Variants in ITGA1 observed in about 807,000 individuals in gnomAD.
ITGA1 encodes the protein integrin alpha-1.
Under a neutral mutation model 145.9 loss-of-function variants are expected in ITGA1, and 85 were observed. That is an observed-to-expected ratio of 0.58 (90% CI 0.49 to 0.70). The LOEUF (loss-of-function observed/expected upper bound fraction) is 0.70, where lower values mean the gene tolerates loss of function less well. ITGA1 is among the 30% of genes least tolerant of loss of function. ITGA1 has a pLI of 0.00. For synonymous variants in ITGA1, 520 were observed against 495.3 expected (o/e 1.05, Z -0.66); for missense variants, 1,351 against 1,418.7 (o/e 0.95, Z 0.77).
chr5:52,788,561 G>A (rs1049703420), intron 1 of ITGA1, 147 bp downstream of exon 1: 24 of 599,438 alleles, frequency 4.0e-5, no homozygotes, highest in Non-Finnish European at 6.1e-5. Flanking sequence ...CCAGGCTACG[G>A]GGCAGGCAGG....
At position 52,953,729 on chromosome 5, in the gene ITGA1, T is replaced by C. The variant is rs1751263445; in HGVS notation, c.*1278T>C. 1 of 152,202 alleles carries C rather than the reference T, an allele frequency of 6.6e-6. No individual in the cohort carries two copies. Among genetic ancestry groups the C allele is most frequent in the South Asian group, 2.1e-4 (1 of 4,832 alleles). The allele number at this position is 152,202 out of a possible 1,614,324, so 9.4% of individuals were successfully genotyped here. On this transcript the variant is annotated 3_prime_UTR_variant, in exon 29 of 29. Transcript: ENST00000282588. Reference sequence around the variant, plus strand: ...TGGAATCTACTGTAGCATAAGCTCCTAGGTTGCTCCATTTCTTAGGAAAAT... The same window carrying C: ...TGGAATCTACTGTAGCATAAGCTCCCAGGTTGCTCCATTTCTTAGGAAAAT...
intron 1 of ITGA1, among the ~76,000 whole-genome samples, chr5:52,810,859 G>C (rs1748674193): frequency 6.6e-6 from 1 of 152,128 alleles, no homozygotes; most frequent in African/African-American, 2.4e-5. Context: ...AATATAATGG[G>C]AAACGGGCAA....
chr5:52,925,129 A>G (rs1237534666), intron 18 of ITGA1, 149 bp from the exon 19 acceptor site: 5 of 623,970 alleles, frequency 8.0e-6, no homozygotes, highest in Non-Finnish European at 1.1e-5. Context: ...GGATAAATAT[A>G]AAATCCCTTA....
chr5:52,887,708 G>A lies in ITGA1; in HGVS notation c.774-107G>A, dbSNP rs1352105904. ...ATGGGCATTGATGCTAATTTTGGAG[G>A]GAAGCACCAGGCTACCTAGAGTAGT... is the stretch of plus-strand genomic sequence containing the variant. On this transcript the variant is annotated intron_variant, in intron 7 of 28. Transcript: ENST00000282588. 7.8e-6 allele frequency: 8 copies of A among 1,028,910 alleles called. No homozygotes were observed. In the Admixed American group the frequency reaches 1.9e-4, roughly 24 times the overall value. The allele number at this position is 1,028,910 out of a possible 1,614,324, so 63.7% of individuals were successfully genotyped here.
chr5:52,939,111 C>A (rs963196431), intron 24 of ITGA1, among the ~76,000 whole-genome samples: 2 of 152,094 alleles, frequency 1.3e-5, no homozygotes, highest in Non-Finnish European at 2.9e-5. Flanking sequence ...CCATGTTGGC[C>A]AGGCTGGTCT....
intron 7 of ITGA1, among the ~76,000 whole-genome samples, chr5:52,886,313 G>T (rs546262963): frequency 6.6e-6 from 1 of 152,124 alleles, no homozygotes; most frequent in South Asian, 2.1e-4. Flanking sequence ...TAAGTCCTTC[G>T]AAAGGAAAAG....
At chr5:52,801,419 C>T in intron 1 of ITGA1, 1 of 1,612,344 alleles carries the variant, frequency 6.2e-7, no homozygotes. Flanking sequence ...GTACATGCCT[C>T]CTCCGGACAC....
At chr5:52,893,891 G>T in intron 9 of ITGA1, 51 bp downstream of exon 9, 1 of 1,377,110 alleles carries the variant, frequency 7.3e-7, no homozygotes, top group Non-Finnish European at 1.0e-6. Context: ...TTCAAAATCA[G>T]TATAATGGGA....
intron 1 of ITGA1, among the ~76,000 whole-genome samples, chr5:52,817,221 A>T (rs1216491985): frequency 2.6e-5 from 4 of 152,206 alleles, no homozygotes; most frequent in African/African-American, 9.6e-5. Flanking sequence ...TAATATAACA[A>T]AAGGGCTGAA....
chr5:52,864,937 T>A, intron 4 of ITGA1, 34 bp from the exon 5 acceptor site: 1 of 1,573,794 alleles, frequency 6.4e-7, no homozygotes. Context: ...ATTTTCAGTC[T>A]AATGATTTCT....
At chr5:52,843,514 C>A (rs1749287645) in intron 1 of ITGA1, among the ~76,000 whole-genome samples, 1 of 152,158 alleles carries the variant, frequency 6.6e-6, no homozygotes, top group Non-Finnish European at 1.5e-5. Context: ...AAGCCAACAA[C>A]TAAACAGGCT....
In ITGA1 at chr5:52,941,950, A is replaced by G. The variant is rs150781770; in HGVS notation, c.3285+2006A>G. Among the ~76,000 whole-genome samples, 290 of 152,262 alleles carry G rather than the reference A, an allele frequency of 1.9e-3. 1 individual carries two copies. The highest frequency in any genetic ancestry group is 6.8e-3 in the Middle Eastern group (2 of 294). Reference sequence around the variant, plus strand: ...CTTTAATTTGTCTTGGTTAGTTTTTATATATGGGGAAAGTTAGGGGTCCAG... The same window carrying G: ...CTTTAATTTGTCTTGGTTAGTTTTTGTATATGGGGAAAGTTAGGGGTCCAG... On this transcript the variant is annotated intron_variant, in intron 26 of 28. Transcript: ENST00000282588.
At chr5:52,835,110 G>A (rs942326624) in intron 1 of ITGA1, among the ~76,000 whole-genome samples, 2 of 152,136 alleles carry the variant, frequency 1.3e-5, no homozygotes, top group African/African-American at 4.8e-5. Flanking sequence ...GTACAGCTAT[G>A]CTATCTACCT....
rs1375684662 is a variant in ITGA1, at chr5:52,788,280, A to G, written c.-74A>G. 2.9e-5 allele frequency: 35 copies of G among 1,213,584 alleles called. No homozygotes were observed. In the East Asian group the frequency reaches 4.1e-4, roughly 14 times the overall value. 75.2% of individuals were successfully genotyped at this position (1,213,584 alleles called of 1,614,324 possible). ...CGGCAGCGGGATAAGTGGCCCAGCC[A>G]GAGAGCGCAGCTCCCGCGCCCGGTC... On this transcript the variant is annotated 5_prime_UTR_variant, in exon 1 of 29. Transcript: ENST00000282588.
intron 14 of ITGA1, among the ~76,000 whole-genome samples, chr5:52,911,007 T>TATATATA (rs1750508142): frequency 1.2e-4 from 4 of 33,068 alleles, no homozygotes; most frequent in African/African-American, 3.1e-4. Flanking sequence ...GTATGTATAC[T>TATATATA]GTATATACTA....
chr5:52,855,677 G>A (rs1749501843), intron 2 of ITGA1, among the ~76,000 whole-genome samples: 2 of 152,092 alleles, frequency 1.3e-5, no homozygotes, highest in African/African-American at 2.4e-5. Context: ...GCAAGAGAGT[G>A]GATTGAGAAT....
intron 2 of ITGA1, among the ~76,000 whole-genome samples, chr5:52,856,890 G>T (rs990649469): frequency 6.6e-6 from 1 of 152,048 alleles, no homozygotes; most frequent in Non-Finnish European, 1.5e-5. Flanking sequence ...CCTCAACTGG[G>T]GCTGGAGTGT....
At position 52,933,949 on chromosome 5, in the gene ITGA1, A is replaced by T. The variant is rs1750928916; in HGVS notation, c.2917A>T (p.Ile973Phe). ...IAANETVPEV[I>F]NSTEDIGNEI... ...TGCCAATGAGACAGTCCCTGAAGTT[A>T]TTAATTCTACTGAGGACATTGGAAA... The change falls in exon 23 of 29, where the codon ATT becomes TTT. Residue 973 changes from isoleucine (I) to phenylalanine (F), a missense_variant. Transcript: ENST00000282588. 1 of 1,534,402 alleles carries T rather than the reference A, an allele frequency of 6.5e-7. No individual in the cohort carries two copies. Among genetic ancestry groups the T allele is most frequent in the East Asian group, 2.4e-5 (1 of 41,616 alleles).
chr5:52,906,637 C>A (rs371343560), intron 12 of ITGA1, among the ~76,000 whole-genome samples: 6 of 152,148 alleles, frequency 3.9e-5, no homozygotes, highest in African/African-American at 1.2e-4. Context: ...AGCTTGGGAA[C>A]TTTTGTTTCT....
Sources: allele counts gnomAD v4.1 joint callset (sites outside exome capture counted in the v4.1 genomes callset), GRCh38; gene constraint gnomAD v4.1.1; transcripts MANE v1.5; gene names NCBI Gene and HGNC (gene_info 2026-07-23, HGNC 2026-07-21).